The following EMX2 variants were observed in gnomAD, a reference collection of about 807,000 sequenced individuals.
The protein encoded by EMX2 is empty spiracles homeobox 2.
In EMX2, 6 loss-of-function variants were observed where a neutral mutation model predicts 23.0. That is an observed-to-expected ratio of 0.26 (90% CI 0.14 to 0.52). EMX2 has a LOEUF of 0.52. Ranked by LOEUF, EMX2 falls within the 20% of genes least tolerant of loss-of-function variation. EMX2 has a pLI of 0.97. For missense variants in EMX2, 302 were observed against 341.4 expected, an observed-to-expected ratio of 0.88 and a Z score of 0.91; for synonymous variants, 175 against 153.3, an observed-to-expected ratio of 1.14 and a Z score of -1.04.
rs746663938 is a variant in EMX2, at chr10:117,543,501, G to A, written c.234G>A (p.Pro78=). The part of the protein sequence containing the change: ...DLVFAEAVSH[P]PNPAVPVHPV... ...TGTTCGCCGAGGCGGTCTCGCACCC[G>A]CCCAACCCCGCCGTGCCAGTGCACC... Residue 78 remains proline, a synonymous_variant, in exon 1 of 3, where the codon CCG becomes CCA. Transcript: ENST00000553456. 2.6e-6 allele frequency: 4 copies of A among 1,546,310 alleles called. No homozygotes were observed. The highest frequency in any genetic ancestry group is 2.6e-6 in the Non-Finnish European group (3 of 1,139,172).
At chr10:117,544,278 C>T (rs1432405362) in intron 1 of EMX2, 4 of 155,866 alleles carry the variant, frequency 2.6e-5, no homozygotes, top group Admixed American at 1.9e-4. Flanking sequence ...GGGAGGAAAG[C>T]TCCAGGGCTT....
At position 117,545,768 on chromosome 10, in the gene EMX2, C is replaced by A. The variant is rs1269145704; in HGVS notation, c.543C>A (p.Gly181=). Residue 181 remains glycine (G), a synonymous_variant, in exon 2 of 3, where the codon GGC becomes GGA. Coordinates refer to ENST00000553456, the MANE Select transcript of EMX2 (RefSeq NM_004098.4). The stretch of plus-strand genomic sequence containing the variant: ...TTGAGAAGAATCACTACGTGGTGGG[C>A]GCCGAAAGGAAGCAGCTGGCACACA... ...HAFEKNHYVV[G]AERKQLAHSL... The A allele has an allele frequency of 1.3e-5, 21 of 1,614,010 alleles. No homozygotes were observed. The highest frequency in any genetic ancestry group is 1.5e-5 in the Non-Finnish European group (18 of 1,180,050).
At chr10:117,546,700 G>A (rs1846583483) in intron 2 of EMX2, among the ~76,000 whole-genome samples, 1 of 152,360 alleles carries the variant, frequency 6.6e-6, no homozygotes, top group South Asian at 2.1e-4. Context: ...GTCTTTGTCC[G>A]CCTCGCTGCC....
intron 1 of EMX2, 51 bp from the exon 2 acceptor site, chr10:117,545,581 C>T: frequency 6.2e-7 from 1 of 1,609,100 alleles, no homozygotes; most frequent in Non-Finnish European, 8.5e-7. Context: ...AAGTGCGCGG[C>T]TCCGGTCAGA....
Position 117,545,561 on chromosome 10 carries a change from G to A in EMX2, c.407-71G>A, listed in dbSNP as rs545789574. On this transcript the variant is annotated intron_variant, in intron 1 of 2. Coordinates refer to ENST00000553456, the MANE Select transcript of EMX2 (RefSeq NM_004098.4). The stretch of plus-strand genomic sequence containing the variant: ...CCTGAGCACGGTGCCGGGCCAGCCC[G>A]GCTCGGGAGAAGTGCGCGGCTCCGG... The A allele has an allele frequency of 5.6e-6, 9 of 1,596,114 alleles. No individual in the cohort carries two copies. In the South Asian group the frequency reaches 8.9e-5, roughly 16 times the overall value.
chr10:117,546,065 G>A (rs569416417), intron 2 of EMX2, among the ~76,000 whole-genome samples: 91 of 152,338 alleles, frequency 6.0e-4, no homozygotes, highest in African/African-American at 2.1e-3. Flanking sequence ...CTGTCCAGTT[G>A]GGCATGTCCT....
At chr10:117,545,596 C>T (rs374951619) in intron 1 of EMX2, 36 bp from the exon 2 acceptor site, 11 of 1,611,758 alleles carry the variant, frequency 6.8e-6, no homozygotes, top group African/African-American at 1.3e-5. Context: ...GTCAGAGCAG[C>T]CCCCCCTAAT....
intron 2 of EMX2, among the ~76,000 whole-genome samples, chr10:117,547,264 C>T (rs903903921): frequency 1.3e-5 from 2 of 152,204 alleles, no homozygotes; most frequent in Middle Eastern, 3.2e-3. Flanking sequence ...TGACCAGCAG[C>T]CTGTTCCGGG....
chr10:117,543,398 T>A lies in EMX2; in HGVS notation c.131T>A (p.Ile44Lys), dbSNP rs1219627843. The change falls in exon 1 of 3, where the codon ATA becomes AAA. Residue 44 changes from isoleucine to lysine, a missense_variant. Coordinates refer to ENST00000553456, the MANE Select transcript of EMX2 (RefSeq NM_004098.4). Reference protein sequence around the residue: ...AALSYANSSPINPFLNGFHSA... With the variant: ...AALSYANSSPKNPFLNGFHSA... ...CTCAGCTACGCTAACTCCAGCCCCA[T>A]AAATCCGTTCCTCAACGGCTTCCAC... The A allele has an allele frequency of 1.3e-6, 2 of 1,586,630 alleles. No homozygotes were observed. The highest frequency in any genetic ancestry group is 1.7e-6 in the Non-Finnish European group (2 of 1,167,412).
intron 2 of EMX2, 23 bp from the exon 3 acceptor site, chr10:117,548,042 C>A (rs1379200841): frequency 6.3e-7 from 1 of 1,599,436 alleles, no homozygotes; most frequent in Admixed American, 1.7e-5. Context: ...AACTAACGCA[C>A]CCCATCTGCC....
Position 117,548,956 on chromosome 10 carries a change from G to T in EMX2, c.*724G>T. ...GATTTTTTTTCCCAAGAAATGTGCA[G>T]TCTGTAAACACTTTTTGATACCTTC... On this transcript the variant is annotated 3_prime_UTR_variant, in exon 3 of 3. Coordinates refer to ENST00000553456, the MANE Select transcript of EMX2 (RefSeq NM_004098.4). 1 of 266,602 alleles carries T rather than the reference G, an allele frequency of 3.8e-6. No individual in the cohort carries two copies. Among genetic ancestry groups the T allele is most frequent in the African/African-American group, 2.2e-5 (1 of 45,678 alleles). 16.5% of individuals were successfully genotyped at this position (266,602 alleles called of 1,614,324 possible).
Position 117,543,768 on chromosome 10 carries a change from C to A in EMX2, c.406+95C>A, listed in dbSNP as rs1207249946. ...GGGTGGGCGCTTGGCAAGGCCTGGG[C>A]GGAGGTTCCTCCGGCTCGCGGGCCA... On this transcript the variant is annotated intron_variant, in intron 1 of 2. Transcript: ENST00000553456. The A allele has an allele frequency of 1.9e-6, 3 of 1,589,264 alleles. No individual in the cohort carries two copies. The African/African-American group carries it at 4.0e-5, about 21-fold the overall frequency.
intron 2 of EMX2, 48 bp from the exon 3 acceptor site, chr10:117,548,017 A>G: frequency 6.4e-7 from 1 of 1,574,034 alleles, no homozygotes; most frequent in Non-Finnish European, 8.6e-7. Flanking sequence ...ACTTGATAGA[A>G]GGGTGCTCTG....
chr10:117,548,112 G>A lies in EMX2; in HGVS notation c.639G>A (p.Lys213=), dbSNP rs1229542873. Residue 213 remains lysine (K), a synonymous_variant, in exon 3 of 3, where the codon AAG becomes AAA. Transcript: ENST00000553456. ...GAAGAACAAAGTTCAAAAGGCAGAA[G>A]CTGGAGGAAGAAGGCTCAGATTCGC... ...QNRRTKFKRQ[K]LEEEGSDSQQ... is the part of the protein sequence containing the mutation. The A allele has an allele frequency of 6.2e-7, 1 of 1,613,684 alleles. No individual in the cohort carries two copies. Among genetic ancestry groups the A allele is most frequent in the South Asian group, 1.1e-5 (1 of 90,950 alleles).
intron 1 of EMX2, among the ~76,000 whole-genome samples, chr10:117,545,428 G>A (rs1031749023): frequency 6.6e-6 from 1 of 152,194 alleles, no homozygotes; most frequent in Non-Finnish European, 1.5e-5. Context: ...GTGCCGCACC[G>A]GTGGAGACCC....
chr10:117,546,188 G>A (rs1278015359), intron 2 of EMX2, among the ~76,000 whole-genome samples: 1 of 152,232 alleles, frequency 6.6e-6, no homozygotes, highest in Non-Finnish European at 1.5e-5. Flanking sequence ...TGGAGCTGGA[G>A]GCTGGTAAGG....
At chr10:117,545,858 C>A in intron 2 of EMX2, 42 bp downstream of exon 2, 1 of 1,612,530 alleles carries the variant, frequency 6.2e-7, no homozygotes, top group Non-Finnish European at 8.5e-7. Flanking sequence ...TAGGCGTGCG[C>A]CCCCTCCCCA....
Position 117,543,469 on chromosome 10 carries a change from G to T in EMX2, c.202G>T (p.Asp68Tyr), listed in dbSNP as rs1006487322. 4.3e-6 allele frequency: 7 copies of T among 1,609,392 alleles called. No individual in the cohort carries two copies. The highest frequency in any genetic ancestry group is 3.3e-5 in the Admixed American group (2 of 59,776). ...AAGRGVYSNP[D>Y]LVFAEAVSHP... ...CGGTAGGGGCGTCTACTCCAACCCG[G>T]ACTTGGTGTTCGCCGAGGCGGTCTC... Residue 68 changes from aspartate (D) to tyrosine (Y), a missense_variant, in exon 1 of 3, where the codon GAC becomes TAC. By Grantham distance (160) the Asp-to-Tyr change is radical. Around this residue, in one of 4 missense-constraint regions of EMX2, gnomAD observed 221 missense variants for 206.8 expected, o/e 1.07. Coordinates refer to ENST00000553456, the MANE Select transcript of EMX2 (RefSeq NM_004098.4).
chr10:117,546,640 G>A (rs1259732931), intron 2 of EMX2, among the ~76,000 whole-genome samples: 1 of 152,248 alleles, frequency 6.6e-6, no homozygotes, highest in Admixed American at 6.5e-5. Flanking sequence ...GCGGAGCCCG[G>A]CACAAGGCGC....
Sources: gnomAD v4.1 joint callset for allele counts (sites outside exome capture counted in the v4.1 genomes callset) on GRCh38, gnomAD v4.1.1 for gene constraint, gnomAD v4.1.1 regional missense constraint, MANE v1.5 for transcripts, NCBI Gene and HGNC (gene_info 2026-07-23, HGNC 2026-07-21) for gene names.